Variants in XPR1 observed in about 807,000 individuals in gnomAD.
XPR1 encodes the protein solute carrier family 53 member 1.
XPR1 carries 28 observed loss-of-function variants against 87.5 expected under a neutral mutation model. The observed-to-expected ratio is 0.32, with a 90% CI of 0.24 to 0.44. XPR1 has a LOEUF of 0.44. XPR1 is among the 20% of genes least tolerant of loss of function. The pLI is 1.00. For missense variants in XPR1, 559 were observed against 862.3 expected (o/e 0.65, Z 4.41); for synonymous variants, 300 against 306.1 (o/e 0.98, Z 0.21).
intron 1 of XPR1, among the ~76,000 whole-genome samples, chr1:180,671,065 G>A (rs775930881): frequency 5.3e-5 from 8 of 152,158 alleles, no homozygotes; most frequent in Non-Finnish European, 1.0e-4. Context: ...TGAGTAATAT[G>A]TAATTTATTT....
intron 1 of XPR1, among the ~76,000 whole-genome samples, chr1:180,682,152 T>C (rs1200709744): frequency 6.6e-6 from 1 of 152,196 alleles, no homozygotes; most frequent in Non-Finnish European, 1.5e-5. Context: ...GTATACAAGT[T>C]AGCCCTCATC....
intron 2 of XPR1, among the ~76,000 whole-genome samples, chr1:180,708,254 C>T (rs1294106768): frequency 6.6e-6 from 1 of 152,134 alleles, no homozygotes; most frequent in Non-Finnish European, 1.5e-5. Context: ...TAGCATCTGA[C>T]TCTCATGTCA....
intron 9 of XPR1, among the ~76,000 whole-genome samples, chr1:180,829,652 C>G (rs753644626): frequency 6.6e-6 from 1 of 152,130 alleles, no homozygotes; most frequent in Admixed American, 6.6e-5. Flanking sequence ...TCATTAAGGC[C>G]TGTAAGCCGC....
At chr1:180,638,582 A>G (rs1654861170) in intron 1 of XPR1, among the ~76,000 whole-genome samples, 1 of 152,184 alleles carries the variant, frequency 6.6e-6, no homozygotes, top group Non-Finnish European at 1.5e-5. Context: ...CCACAAATTT[A>G]TAGAAGTCTT....
At chr1:180,732,388 T>C (rs1658586773) in intron 2 of XPR1, among the ~76,000 whole-genome samples, 1 of 152,216 alleles carries the variant, frequency 6.6e-6, no homozygotes, top group Non-Finnish European at 1.5e-5. Context: ...GAAGCTCATG[T>C]ATTTTTTATT....
intron 6 of XPR1, among the ~76,000 whole-genome samples, chr1:180,810,752 T>G (rs1650179981): frequency 6.6e-6 from 1 of 151,640 alleles, no homozygotes; most frequent in Non-Finnish European, 1.5e-5. Context: ...GCATCTTAAC[T>G]CTCTCCTATT....
chr1:180,723,190 C>T (rs12040223), intron 2 of XPR1, among the ~76,000 whole-genome samples: 3,154 of 152,212 alleles, frequency 0.021, 112 homozygotes, highest in East Asian at 0.12. Flanking sequence ...AGCATTCATA[C>T]ATTGCTGAAA....
intron 2 of XPR1, among the ~76,000 whole-genome samples, chr1:180,732,698 A>G (rs998581153): frequency 3.9e-5 from 6 of 152,174 alleles, no homozygotes; most frequent in Non-Finnish European, 7.4e-5. Context: ...GTGAAGCCCC[A>G]GTGGGCATGT....
At chr1:180,802,186 G>C (rs1649810286) in intron 3 of XPR1, among the ~76,000 whole-genome samples, 1 of 150,274 alleles carries the variant, frequency 6.7e-6, no homozygotes, top group South Asian at 2.1e-4. Context: ...AGGTGTAGAA[G>C]AGTTATTAAA....
intron 2 of XPR1, among the ~76,000 whole-genome samples, chr1:180,784,403 T>C (rs1389139859): frequency 6.6e-6 from 1 of 152,102 alleles, no homozygotes; most frequent in Non-Finnish European, 1.5e-5. Context: ...TACCTACTTA[T>C]GGAATCAAAT....
chr1:180,753,850 T>C (rs1647625184), intron 2 of XPR1, among the ~76,000 whole-genome samples: 1 of 152,232 alleles, frequency 6.6e-6, no homozygotes, highest in South Asian at 2.1e-4. Flanking sequence ...ACTTTTACTT[T>C]ATTTTCACAA....
At chr1:180,696,308 A>T (rs1467430375) in intron 2 of XPR1, among the ~76,000 whole-genome samples, 1 of 150,118 alleles carries the variant, frequency 6.7e-6, no homozygotes, top group Admixed American at 6.7e-5. Context: ...GATTTTTTGT[A>T]TGCTTATTTT....
At chr1:180,846,704 C>T (rs1480855070) in intron 11 of XPR1, among the ~76,000 whole-genome samples, 1 of 151,930 alleles carries the variant, frequency 6.6e-6, no homozygotes, top group Admixed American at 6.6e-5. Context: ...GCCTCGGGCT[C>T]CCAAAGTGTT....
At chr1:180,780,482 T>G (rs1648891030) in intron 2 of XPR1, among the ~76,000 whole-genome samples, 1 of 152,228 alleles carries the variant, frequency 6.6e-6, no homozygotes, top group Admixed American at 6.5e-5. Flanking sequence ...TCAGATTCTT[T>G]GTCCATTTTT....
At chr1:180,812,261 C>A (rs1650244546) in intron 7 of XPR1, among the ~76,000 whole-genome samples, 1 of 152,138 alleles carries the variant, frequency 6.6e-6, no homozygotes, top group Non-Finnish European at 1.5e-5. Flanking sequence ...GTGCTGGGCT[C>A]AATCCTTCAA....
At chr1:180,658,869 G>A (rs1303912829) in intron 1 of XPR1, among the ~76,000 whole-genome samples, 1 of 151,804 alleles carries the variant, frequency 6.6e-6, no homozygotes, top group Non-Finnish European at 1.5e-5. Context: ...GCACCCGGCC[G>A]ATCATATGGT....
At chr1:180,675,629 A>T (rs1656344655) in intron 1 of XPR1, among the ~76,000 whole-genome samples, 1 of 152,234 alleles carries the variant, frequency 6.6e-6, no homozygotes, top group African/African-American at 2.4e-5. Context: ...AACTCACGTA[A>T]TGCATATGAA....
chr1:180,736,770 G>GTT (rs761736220), intron 2 of XPR1, among the ~76,000 whole-genome samples: 25 of 152,148 alleles, frequency 1.6e-4, no homozygotes, highest in Non-Finnish European at 3.4e-4. Flanking sequence ...TAGGGTTGGG[G>GTT]TTGGGGTGAG....
At chr1:180,684,884 G>T (rs894756714) in intron 2 of XPR1, among the ~76,000 whole-genome samples, 2 of 152,018 alleles carry the variant, frequency 1.3e-5, no homozygotes, top group African/African-American at 4.8e-5. Context: ...TGAGATTCTG[G>T]GCTGAGACGA....
Sources: allele counts gnomAD v4.1 joint callset (sites outside exome capture counted in the v4.1 genomes callset), GRCh38; gene constraint gnomAD v4.1.1; transcripts MANE v1.5; gene names NCBI Gene and HGNC (gene_info 2026-07-23, HGNC 2026-07-21).